The following NUP107 variants were observed in gnomAD, a reference collection of about 807,000 sequenced individuals.
NUP107 encodes the protein nucleoporin 107.
Under a neutral mutation model 141.0 loss-of-function variants are expected in NUP107, and 101 were observed. The observed-to-expected ratio is 0.72, with a 90% CI of 0.61 to 0.84. NUP107 has a LOEUF of 0.84. Ranked by LOEUF, NUP107 falls within the 40% of genes least tolerant of loss-of-function variation. The pLI is 0.00. For missense variants in NUP107, 941 were observed against 1,102.7 expected (o/e 0.85, Z 2.08); for synonymous variants, 319 against 363.9 (o/e 0.88, Z 1.41).
intron 8 of NUP107, chr12:68,706,635 G>A (rs1164344050): frequency 1.7e-5 from 12 of 710,636 alleles, no homozygotes; most frequent in East Asian, 5.3e-5. Flanking sequence ...GGCCGCCATC[G>A]CAGATGCTGA....
intron 23 of NUP107, chr12:68,732,946 G>A (rs1434766211): frequency 1.5e-5 from 6 of 399,228 alleles, no homozygotes; most frequent in Non-Finnish European, 8.9e-6. Flanking sequence ...GCCTCCTGAA[G>A]TGCTGGGATT....
At chr12:68,713,491 A>G (rs145464932) in intron 10 of NUP107, among the ~76,000 whole-genome samples, 9 of 152,136 alleles carry the variant, frequency 5.9e-5, no homozygotes, top group African/African-American at 2.2e-4. Flanking sequence ...CCTAGTAAAA[A>G]GGGCAAAAAT....
Position 68,698,873 on chromosome 12 carries a change from T to G in NUP107, c.553-1853T>G, listed in dbSNP as rs138569632. 3.5e-3 allele frequency among the ~76,000 whole-genome samples: 536 copies of G among 152,250 alleles called. 3 individuals are homozygous for G. Among genetic ancestry groups the G allele is most frequent in the African/African-American group, 0.012 (519 of 41,542 alleles). ...AATGGGGGACACATGTCAGTATACA[T>G]TTATCATAATTCATGGAATGTACAC... On this transcript the variant is annotated intron_variant, in intron 6 of 27. Coordinates refer to ENST00000229179, the MANE Select transcript of NUP107 (RefSeq NM_020401.4).
At chr12:68,689,678 A>G (rs1341904710) in intron 3 of NUP107, 59 bp downstream of exon 3, 2 of 1,014,086 alleles carry the variant, frequency 2.0e-6, no homozygotes, top group African/African-American at 1.6e-5. Flanking sequence ...AGCAACTAAC[A>G]TTTATTGTAA....
rs544842938 is a variant in NUP107 at position 68,745,328 on chromosome 12, G to A, written c.*2866G>A. On this transcript the variant is annotated 3_prime_UTR_variant, in exon 28 of 28. Transcript: ENST00000229179. ...AAGAATTGATGTATTGGCAGGAACA[G>A]CTGGACATTCAAGATGTTTTTGTGA... 3.3e-5 allele frequency: 5 copies of A among 152,346 alleles called. No homozygotes were observed. In the East Asian group the frequency reaches 9.6e-4, roughly 29 times the overall value. The allele number at this position is 152,346 out of a possible 1,614,324, so 9.4% of individuals were successfully genotyped here.
chr12:68,723,555 C>T (rs1343529529), intron 17 of NUP107, among the ~76,000 whole-genome samples: 4 of 151,990 alleles, frequency 2.6e-5, no homozygotes, highest in Admixed American at 6.6e-5. Flanking sequence ...AAGATCGCAA[C>T]GTTGCACTCT....
At chr12:68,710,499 A>G (rs2136018549) in intron 10 of NUP107, among the ~76,000 whole-genome samples, 1 of 152,256 alleles carries the variant, frequency 6.6e-6, no homozygotes, top group South Asian at 2.1e-4. Context: ...TGCTAAAAAT[A>G]CAAAAATTAG....
chr12:68,718,680 A>G (rs1877211999), intron 12 of NUP107, among the ~76,000 whole-genome samples: 1 of 146,346 alleles, frequency 6.8e-6, no homozygotes, highest in African/African-American at 2.4e-5. Context: ...CTGTAATCCC[A>G]ACACGTTGGG....
At chr12:68,740,196 G>T (rs975014467) in intron 26 of NUP107, 6 of 152,190 alleles carry the variant, frequency 3.9e-5, no homozygotes, top group Non-Finnish European at 7.3e-5. Flanking sequence ...GAAGCCAGGG[G>T]CACCCGGCCT....
intron 1 of NUP107, among the ~76,000 whole-genome samples, chr12:68,687,982 G>A (rs1875588812): frequency 6.6e-6 from 1 of 152,060 alleles, no homozygotes; most frequent in South Asian, 2.1e-4. Flanking sequence ...TGCTCAAGGG[G>A]GCAAATGTAG....
chr12:68,733,768 A>T (rs1877949407), intron 24 of NUP107, among the ~76,000 whole-genome samples, 156 bp downstream of exon 24: 1 of 152,168 alleles, frequency 6.6e-6, no homozygotes, highest in East Asian at 1.9e-4. Flanking sequence ...TGACTTCATG[A>T]CCTTATCTTC....
chr12:68,697,944 C>T (rs1876146570), intron 6 of NUP107, among the ~76,000 whole-genome samples: 1 of 151,380 alleles, frequency 6.6e-6, no homozygotes, highest in Non-Finnish European at 1.5e-5. Context: ...AGGAGAATCG[C>T]TTGAACCTGG....
At chr12:68,716,399 A>G (rs1877116073) in intron 12 of NUP107, among the ~76,000 whole-genome samples, 2 of 150,492 alleles carry the variant, frequency 1.3e-5, no homozygotes, top group African/African-American at 2.4e-5. Context: ...CCCAACTAAC[A>G]TTTTTATTTT....
Position 68,721,981 on chromosome 12 carries a change from A to G in NUP107, c.1452A>G (p.Gly484=). The G allele has an allele frequency of 6.2e-7, 1 of 1,613,478 alleles. No homozygotes were observed. The highest frequency in any genetic ancestry group is 8.5e-7 in the Non-Finnish European group (1 of 1,179,784). Residue 484 remains glycine, a synonymous_variant, in exon 16 of 28, where the codon GGA becomes GGG. Coordinates refer to ENST00000229179, the MANE Select transcript of NUP107 (RefSeq NM_020401.4). ...AAGAACTCCCTAGAGAATATCTGGG[A>G]GCAAAGTGAGTTTGTTGGATTGTTT... The part of the protein sequence containing the change: ...ETEELPREYL[G]ANWTLEKVFE...
At position 68,722,166 on chromosome 12, in the gene NUP107, G is replaced by A. The variant is rs932419251; in HGVS notation, c.1506+14G>A. ...ACTGACAAAAAGGTAAATGTTAATA[G>A]GAATATGTTAGGTATCTGGAATAGG... On this transcript the variant is annotated intron_variant, in intron 17 of 27. Coordinates refer to ENST00000229179, the MANE Select transcript of NUP107 (RefSeq NM_020401.4). The A allele has an allele frequency of 1.4e-5, 23 of 1,609,052 alleles. No individual in the cohort carries two copies. The highest frequency in any genetic ancestry group is 1.9e-5 in the Non-Finnish European group (22 of 1,176,282).
chr12:68,702,846 A>ATT (rs201673769), intron 8 of NUP107, 62 bp downstream of exon 8: 2,520 of 754,992 alleles, frequency 3.3e-3, no homozygotes, highest in East Asian at 7.6e-3. Context: ...TACTAATAGG[A>ATT]TTTTTTTTTT....
intron 17 of NUP107, among the ~76,000 whole-genome samples, chr12:68,725,260 CTG>C (rs1877511242): frequency 6.6e-6 from 1 of 152,082 alleles, no homozygotes; most frequent in South Asian, 2.1e-4. Flanking sequence ...TTTCTCTACT[CTG>C]TACCTGATCA....
chr12:68,705,897 C>T lies in NUP107; in HGVS notation c.729+3113C>T. 3.4e-6 allele frequency: 3 copies of T among 872,030 alleles called. No homozygotes were observed. In the South Asian group the frequency reaches 3.9e-5, roughly 11 times the overall value. 54.0% of individuals were successfully genotyped at this position (872,030 alleles called of 1,614,324 possible). A position where few individuals can be genotyped will look rare whatever the true frequency, so the allele number is the denominator to read the frequency against. Reference sequence around the variant, plus strand: ...TGGACCCCAACATCCAAGCTGTGTGCACCCAGGTGAAGGAGCAGATCAAGA... The same window carrying T: ...TGGACCCCAACATCCAAGCTGTGTGTACCCAGGTGAAGGAGCAGATCAAGA... On this transcript the variant is annotated intron_variant, in intron 8 of 27. Coordinates refer to ENST00000229179, the MANE Select transcript of NUP107 (RefSeq NM_020401.4).
In NUP107 at chr12:68,720,449, G is replaced by A. The variant is rs537236403; in HGVS notation, c.1252-669G>A. Among the ~76,000 whole-genome samples, 4 of 152,196 alleles carry A rather than the reference G, an allele frequency of 2.6e-5. No individual in the cohort carries two copies. The East Asian group carries it at 7.7e-4, about 29-fold the overall frequency. ...ATTAGATGGATAAAAGCCTGAAAAA[G>A]TAATTAGGAGCCTGTCAGAATTATT... is the stretch of plus-strand genomic sequence containing the variant. On this transcript the variant is annotated intron_variant, in intron 14 of 27. Transcript: ENST00000229179.
Sources: gnomAD v4.1 joint callset for allele counts (sites outside exome capture counted in the v4.1 genomes callset) on GRCh38, gnomAD v4.1.1 for gene constraint, MANE v1.5 for transcripts, NCBI Gene and HGNC (gene_info 2026-07-23, HGNC 2026-07-21) for gene names.